Variants in AGBL4 observed in about 807,000 individuals in gnomAD.
The protein encoded by AGBL4 is AGBL carboxypeptidase 4.
In AGBL4, 58 loss-of-function variants were observed where a neutral mutation model predicts 66.4. The observed-to-expected ratio is 0.87, with a 90% CI of 0.71 to 1.09. The LOEUF is 1.09. Among genes scored for constraint, AGBL4 ranks in the 50% least tolerant of loss-of-function variants. The pLI is 0.00. For missense variants in AGBL4, 579 were observed against 631.0 expected, an observed-to-expected ratio of 0.92 and a Z score of 0.88; for synonymous variants, 234 against 222.9, an observed-to-expected ratio of 1.05 and a Z score of -0.44.
chr1:48,831,888 A>G (rs942956203), intron 6 of AGBL4, among the ~76,000 whole-genome samples: 15 of 152,190 alleles, frequency 9.9e-5, no homozygotes, highest in African/African-American at 3.6e-4. Flanking sequence ...AGACCTGGCA[A>G]TACAGGGATA....
At chr1:49,525,732 C>A (rs1467462790) in intron 3 of AGBL4, among the ~76,000 whole-genome samples, 1 of 151,928 alleles carries the variant, frequency 6.6e-6, no homozygotes, top group African/African-American at 2.4e-5. Context: ...AAGAGCATTC[C>A]ATCAGCCTAA....
intron 1 of AGBL4, among the ~76,000 whole-genome samples, chr1:49,923,617 G>GA (rs1652482628): frequency 1.3e-5 from 2 of 151,556 alleles, no homozygotes; most frequent in Admixed American, 6.6e-5. Flanking sequence ...AAACATATAA[G>GA]AAAAAACAAA....
intron 1 of AGBL4, among the ~76,000 whole-genome samples, chr1:49,990,345 T>TTC (rs1013245679): frequency 6.6e-6 from 1 of 152,188 alleles, no homozygotes; most frequent in African/African-American, 2.4e-5. Flanking sequence ...CCCCATGCTG[T>TTC]TCTCATAATA....
chr1:48,776,582 G>C, intron 6 of AGBL4: 4 of 816,594 alleles, frequency 4.9e-6, no homozygotes, highest in Non-Finnish European at 6.5e-6. Context: ...GGGTCCCACC[G>C]TCCCTCCCCG....
In AGBL4 at chr1:49,233,054, C is replaced by T. The variant is rs375244838; in HGVS notation, c.377+12716G>A. Among the ~76,000 whole-genome samples, 166 of 152,258 alleles carry T rather than the reference C, an allele frequency of 1.1e-3. 1 individual carries two copies. The highest frequency in any genetic ancestry group is 3.8e-3 in the African/African-American group (158 of 41,542). On this transcript the variant is annotated intron_variant, in intron 4 of 13. Coordinates refer to ENST00000371839, the MANE Select transcript of AGBL4 (RefSeq NM_032785.4). ...GATAATTTATAATTTTTCCCAATTA[C>T]AATGTACACTGCCATGAACATCCTT...
chr1:49,178,133 C>T (rs1159588386), intron 4 of AGBL4, among the ~76,000 whole-genome samples: 1 of 152,158 alleles, frequency 6.6e-6, no homozygotes, highest in East Asian at 1.9e-4. Context: ...CAGATTTAAG[C>T]TGGAATCCTA....
chr1:48,603,394 A>T (rs987129559), intron 9 of AGBL4, among the ~76,000 whole-genome samples: 1 of 152,100 alleles, frequency 6.6e-6, no homozygotes, highest in African/African-American at 2.4e-5. Flanking sequence ...TGCTTGAACC[A>T]GGGAGTCAAA....
intron 6 of AGBL4, among the ~76,000 whole-genome samples, chr1:48,825,570 C>G (rs1335872696): frequency 6.6e-6 from 1 of 152,126 alleles, no homozygotes; most frequent in African/African-American, 2.4e-5. Flanking sequence ...CTATTGTATT[C>G]CCAGTGCCCA....
intron 3 of AGBL4, among the ~76,000 whole-genome samples, chr1:49,295,285 G>C (rs1644619953): frequency 6.6e-6 from 1 of 152,176 alleles, no homozygotes; most frequent in African/African-American, 2.4e-5. Flanking sequence ...GATGTAAATA[G>C]TTGTTTACAA....
At chr1:48,868,671 G>A (rs527474467) in intron 5 of AGBL4, among the ~76,000 whole-genome samples, 123 of 152,288 alleles carry the variant, frequency 8.1e-4, no homozygotes, top group African/African-American at 2.9e-3. Context: ...CTTGGTTTAT[G>A]TAAGATGGCT....
intron 6 of AGBL4, among the ~76,000 whole-genome samples, chr1:48,794,896 A>C (rs1416046155): frequency 6.6e-6 from 1 of 152,116 alleles, no homozygotes; most frequent in Non-Finnish European, 1.5e-5. Context: ...TGGCATCTCA[A>C]ATATTTCAAA....
At chr1:49,992,824 A>G (rs937191684) in intron 1 of AGBL4, among the ~76,000 whole-genome samples, 11 of 152,126 alleles carry the variant, frequency 7.2e-5, no homozygotes, top group African/African-American at 1.7e-4. Flanking sequence ...ACTCCTATAA[A>G]CTCTCCCCAA....
At chr1:49,594,943 C>T (rs1044146554) in intron 3 of AGBL4, among the ~76,000 whole-genome samples, 14 of 152,162 alleles carry the variant, frequency 9.2e-5, no homozygotes, top group African/African-American at 3.1e-4. Flanking sequence ...GAGGAATCAC[C>T]ACACTGTCTT....
At chr1:48,985,272 G>A (rs1660092689) in intron 5 of AGBL4, among the ~76,000 whole-genome samples, 1 of 152,030 alleles carries the variant, frequency 6.6e-6, no homozygotes, top group Admixed American at 6.6e-5. Context: ...GAGTTAAAGG[G>A]ACCAATCTGA....
chr1:48,652,600 A>G (rs1176003591), intron 8 of AGBL4, among the ~76,000 whole-genome samples: 2 of 152,190 alleles, frequency 1.3e-5, no homozygotes, highest in Non-Finnish European at 2.9e-5. Flanking sequence ...CTAAAACTGT[A>G]TAATTTGGAT....
intron 6 of AGBL4, among the ~76,000 whole-genome samples, chr1:48,781,218 AAC>A (rs772989729): frequency 6.6e-6 from 1 of 152,112 alleles, no homozygotes; most frequent in African/African-American, 2.4e-5. Context: ...TGACAGAGTA[AAC>A]ACAGATCAAA....
At chr1:49,446,320 T>G (rs1259863354) in intron 3 of AGBL4, among the ~76,000 whole-genome samples, 1 of 152,216 alleles carries the variant, frequency 6.6e-6, no homozygotes, top group East Asian at 1.9e-4. Context: ...CTCCTATTTT[T>G]GAATTTACTT....
At chr1:48,628,093 G>A (rs1442632316) in intron 9 of AGBL4, among the ~76,000 whole-genome samples, 1 of 152,158 alleles carries the variant, frequency 6.6e-6, no homozygotes, top group African/African-American at 2.4e-5. Context: ...ATTCTCTACA[G>A]TGCCGGGTTC....
At chr1:48,918,044 ACAGCTGGCCTTTCTC>A (rs1299254492) in intron 5 of AGBL4, among the ~76,000 whole-genome samples, 1 of 152,180 alleles carries the variant, frequency 6.6e-6, no homozygotes, top group African/African-American at 2.4e-5. Context: ...TCTCAGGGAA[ACAGCTGGCCTTTCTC>A]CAGCAGCCAG....
Sources: allele counts gnomAD v4.1 joint callset (sites outside exome capture counted in the v4.1 genomes callset), GRCh38; gene constraint gnomAD v4.1.1; transcripts MANE v1.5; gene names NCBI Gene and HGNC (gene_info 2026-07-23, HGNC 2026-07-21).